ERN2: variants seen among roughly 807,000 people sequenced by gnomAD.
The protein encoded by ERN2 is serine/threonine-protein kinase/endoribonuclease IRE2.
Under a neutral mutation model 107.9 loss-of-function variants are expected in ERN2, and 111 were observed. The ratio of observed to expected loss-of-function variants is 1.03; its 90% CI spans 0.88 to 1.20. The LOEUF (loss-of-function observed/expected upper bound fraction) is 1.20. ERN2 is among the 50% of genes most tolerant of loss of function. The probability of loss-of-function intolerance (pLI) is 0.00; values close to 1 mark genes in which losing one functional copy is unlikely to be tolerated. For synonymous variants in ERN2, 524 were observed against 501.7 expected (o/e 1.04, Z -0.59); for missense variants, 1,225 against 1,197.9 (o/e 1.02, Z -0.33).
At chr16:23,702,097 TCCC>T (rs1001454306) in intron 11 of ERN2, 52 bp downstream of exon 11, 44 of 1,562,922 alleles carry the variant, frequency 2.8e-5, no homozygotes, top group Admixed American at 1.1e-4. Context: ...CAAGGGCTAT[TCCC>T]CCCATCTGCT....
chr16:23,707,806 A>G (rs1360293762), intron 4 of ERN2, among the ~76,000 whole-genome samples: 2 of 152,236 alleles, frequency 1.3e-5, no homozygotes, highest in African/African-American at 4.8e-5. Flanking sequence ...ACTCACATGA[A>G]TATTTCAAAA....
In ERN2 at chr16:23,702,299, G is replaced by C. The variant is rs1398790724; in HGVS notation, c.1082-26C>G. On this transcript the variant is annotated intron_variant, in intron 10 of 21. Transcript: ENST00000256797. Reference sequence around the variant, plus strand: ...CTAAGGTGGGGGGCAAAAGTCATCAGGCTGAAGGGGACCTTAGCTTTCCAG... The same window carrying C: ...CTAAGGTGGGGGGCAAAAGTCATCACGCTGAAGGGGACCTTAGCTTTCCAG... 3 of 1,613,556 alleles carry C rather than the reference G, an allele frequency of 1.9e-6. No homozygotes were observed. The Admixed American group carries it at 5.0e-5, about 27-fold the overall frequency.
intron 7 of ERN2, among the ~76,000 whole-genome samples, chr16:23,705,589 T>C (rs1052062204): frequency 6.6e-6 from 1 of 151,890 alleles, no homozygotes; most frequent in African/African-American, 2.4e-5. Flanking sequence ...ACCTGTAAGG[T>C]CACTCAGGCA....
Position 23,691,424 on chromosome 16 carries a change from TCCTGGGG to T in ERN2, c.2377-6_2377del. ...CTCCTTCTCCAGCCAGTCACTGACG[TCCTGGGG>T]CCCAGAGAGCTCCTGAGCCTTGTGA... On this transcript the variant is annotated splice_acceptor_variant and splice_polypyrimidine_tract_variant and coding_sequence_variant and intron_variant, in exon 20 of 22. Transcript: ENST00000256797. LOFTEE classifies it high-confidence loss of function. 1 of 1,598,802 alleles carries T rather than the reference TCCTGGGG, an allele frequency of 6.3e-7. No individual in the cohort carries two copies. The highest frequency in any genetic ancestry group is 8.5e-7 in the Non-Finnish European group (1 of 1,179,568).
At chr16:23,694,684 C>A in intron 17 of ERN2, 44 bp downstream of exon 17, 1 of 1,514,438 alleles carries the variant, frequency 6.6e-7, no homozygotes, top group Non-Finnish European at 8.9e-7. Flanking sequence ...ATTCCTGCAG[C>A]CTGGGGCAGC....
chr16:23,704,787 T>C (rs1960227968), intron 8 of ERN2, 96 bp downstream of exon 8: 1 of 1,323,158 alleles, frequency 7.6e-7, no homozygotes, highest in African/African-American at 1.4e-5. Context: ...TCAGCGGTAC[T>C]GGTGTGTCAC....
At position 23,706,894 on chromosome 16, in the gene ERN2, T is replaced by C. The variant is rs771059104; in HGVS notation, c.380-33A>G. 45 of 1,592,068 alleles carry C rather than the reference T, an allele frequency of 2.8e-5. No homozygotes were observed. In the South Asian group the frequency reaches 3.5e-4, roughly 13 times the overall value. ...GGTGGAAAGTGTGTTAGCTCTCAAG[T>C]TGGCATGGGAAGAGGTGTGGCCCCG... On this transcript the variant is annotated intron_variant, in intron 5 of 21. Coordinates refer to ENST00000256797, the MANE Select transcript of ERN2 (RefSeq NM_033266.4).
chr16:23,691,525 A>G lies in ERN2; in HGVS notation c.2377-100T>C. On this transcript the variant is annotated intron_variant, in intron 19 of 21. Coordinates refer to ENST00000256797, the MANE Select transcript of ERN2 (RefSeq NM_033266.4). The stretch of plus-strand genomic sequence containing the variant: ...GAGTAGTTTAGGGTGACTGACAAGG[A>G]TCATTGCCTCTGGGGGCGTGAAGCT... The G allele has an allele frequency of 6.4e-6, 9 of 1,396,104 alleles. 1 individual carries two copies. In the South Asian group the frequency reaches 1.1e-4, roughly 17 times the overall value. 86.5% of individuals were successfully genotyped at this position (1,396,104 alleles called of 1,614,324 possible).
chr16:23,692,372 T>C (rs759736147), intron 17 of ERN2, 41 bp from the exon 18 acceptor site: 1 of 1,601,768 alleles, frequency 6.2e-7, no homozygotes, highest in Middle Eastern at 1.8e-4. Context: ...AATCTCTGCT[T>C]CCAGGAAGTC....
chr16:23,710,217 A>ATCTGCTGGGTCAGAGAGAAAGGCG lies in ERN2; in HGVS notation c.260_261insCGCCTTTCTCTCTGACCCAGCAGA (p.Ala80_Asp87dup). 1 of 1,614,040 alleles carries ATCTGCTGGGTCAGAGAGAAAGGCG rather than the reference A, an allele frequency of 6.2e-7. No individual in the cohort carries two copies. Among genetic ancestry groups the ATCTGCTGGGTCAGAGAGAAAGGCG allele is most frequent in the Non-Finnish European group, 8.5e-7 (1 of 1,179,886 alleles). On this transcript the variant is annotated inframe_insertion, in exon 4 of 22. Transcript: ENST00000256797. The stretch of plus-strand genomic sequence containing the variant: ...GGGTCCCCAAGATGTACAGGCTGCC[A>ATCTGCTGGGTCAGAGAGAAAGGCG]TCTGCTGGGTCAGAGAGAAAGGCCA...
intron 6 of ERN2, 115 bp from the exon 7 acceptor site, chr16:23,706,546 G>T: frequency 1.2e-6 from 1 of 834,306 alleles, no homozygotes; most frequent in Non-Finnish European, 1.9e-6. Flanking sequence ...CTAGAGACCT[G>T]GAAGCCTGTG....
chr16:23,699,242 C>A (rs989634997), intron 13 of ERN2, among the ~76,000 whole-genome samples: 1 of 152,140 alleles, frequency 6.6e-6, no homozygotes, highest in African/African-American at 2.4e-5. Flanking sequence ...GCGGACATTG[C>A]GAACAGCACT....
At chr16:23,703,654 A>G (rs1172153397) in intron 8 of ERN2, among the ~76,000 whole-genome samples, 1 of 152,192 alleles carries the variant, frequency 6.6e-6, no homozygotes, top group Non-Finnish European at 1.5e-5. Context: ...CAAGCCCTTT[A>G]AATGATCCTA....
Position 23,695,188 on chromosome 16 carries a change from A to C in ERN2, c.1800+12T>G. 1 of 1,613,896 alleles carries C rather than the reference A, an allele frequency of 6.2e-7. No individual in the cohort carries two copies. Among genetic ancestry groups the C allele is most frequent in the Non-Finnish European group, 8.5e-7 (1 of 1,179,846 alleles). ...TTCCCACTCACCCTCCCTGAACCGC[A>C]ATGCAACTCACCTCCTGCAAGGAGG... On this transcript the variant is annotated intron_variant, in intron 15 of 21. Coordinates refer to ENST00000256797, the MANE Select transcript of ERN2 (RefSeq NM_033266.4).
chr16:23,692,450 T>G, intron 17 of ERN2, 119 bp from the exon 18 acceptor site: 1 of 1,025,664 alleles, frequency 9.7e-7, no homozygotes, highest in East Asian at 2.6e-5. Context: ...GAACTCAAGA[T>G]GCTTCCTGGG....
At chr16:23,702,059 T>G in intron 11 of ERN2, 93 bp downstream of exon 11, 5 of 1,350,378 alleles carry the variant, frequency 3.7e-6, no homozygotes, top group Non-Finnish European at 5.1e-6. Flanking sequence ...CCCCCGAGTG[T>G]TATTCTTAGC....
chr16:23,700,553 A>C lies in ERN2; in HGVS notation c.1511T>G (p.Leu504Arg). Residue 504 changes from leucine to arginine, a missense_variant, in exon 13 of 22, where the codon CTC (leucine) becomes CGC (arginine). Transcript: ENST00000256797. ...LQSPSKQAQPLDDPEAEQLTV... is the reference protein window; with the variant it reads ...LQSPSKQAQPRDDPEAEQLTV... ...CACAGGCTCACCTTCAGGGTCGTCG[A>C]GTGGCTGGGCTTGCTTTGAGGGACT... The C allele has an allele frequency of 6.2e-7, 1 of 1,612,702 alleles. No individual in the cohort carries two copies. The highest frequency in any genetic ancestry group is 2.2e-5 in the East Asian group (1 of 44,860).
chr16:23,709,278 C>T, intron 4 of ERN2: 1 of 381,892 alleles, frequency 2.6e-6, no homozygotes, highest in Admixed American at 3.3e-5. Context: ...AGCCTGGACA[C>T]ATAATGAGAT....
chr16:23,692,964 ATT>A (rs35837766), intron 17 of ERN2, among the ~76,000 whole-genome samples: 2 of 146,284 alleles, frequency 1.4e-5, no homozygotes, highest in African/African-American at 2.5e-5. Flanking sequence ...AGCGATTCTG[ATT>A]TTTTTTTTTT....
Sources: allele counts gnomAD v4.1 joint callset (sites outside exome capture counted in the v4.1 genomes callset), GRCh38; gene constraint gnomAD v4.1.1; transcripts MANE v1.5; gene names NCBI Gene and HGNC (gene_info 2026-07-23, HGNC 2026-07-21).